Variants in ARHGEF28 observed in about 807,000 individuals in gnomAD.
The protein encoded by ARHGEF28 is Rho guanine nucleotide exchange factor 28, also known as 190 kDa guanine nucleotide exchange factor.
Under a neutral mutation model 206.6 loss-of-function variants are expected in ARHGEF28, and 152 were observed. The observed-to-expected ratio is 0.74, with a 90% CI of 0.64 to 0.84. ARHGEF28 has a LOEUF of 0.84. Ranked by LOEUF, ARHGEF28 falls within the 40% of genes least tolerant of loss-of-function variation. ARHGEF28 has a pLI of 0.00. For missense variants in ARHGEF28, 2,028 were observed against 2,073.2 expected (o/e 0.98, Z 0.42); for synonymous variants, 763 against 776.4 (o/e 0.98, Z 0.29).
intron 16 of ARHGEF28, among the ~76,000 whole-genome samples, chr5:73,858,918 C>T (rs1053769444): frequency 6.6e-6 from 1 of 152,198 alleles, no homozygotes; most frequent in Non-Finnish European, 1.5e-5. Flanking sequence ...CCCTCTGCTC[C>T]AGTCACACTG....
chr5:73,768,537 G>A (rs1331813762), intron 4 of ARHGEF28, among the ~76,000 whole-genome samples: 1 of 152,124 alleles, frequency 6.6e-6, no homozygotes, highest in Non-Finnish European at 1.5e-5. Context: ...AGGGCCTGTA[G>A]CCTCTTTGTT....
intron 9 of ARHGEF28, among the ~76,000 whole-genome samples, chr5:73,824,511 C>G (rs1368139788): frequency 2.0e-5 from 3 of 151,582 alleles, no homozygotes; most frequent in Admixed American, 1.3e-4. Context: ...AGTCTGTTGC[C>G]CAGGCTGGAG....
chr5:73,755,864 A>G (rs1752283462), intron 4 of ARHGEF28, among the ~76,000 whole-genome samples: 1 of 152,116 alleles, frequency 6.6e-6, no homozygotes, highest in African/African-American at 2.4e-5. Context: ...ATTTATCCAT[A>G]TTTTTATAAC....
intron 16 of ARHGEF28, among the ~76,000 whole-genome samples, chr5:73,864,244 A>T (rs983932547): frequency 6.6e-6 from 1 of 152,226 alleles, no homozygotes; most frequent in African/African-American, 2.4e-5. Flanking sequence ...CAGTGAGATG[A>T]CATTGTTTTA....
In ARHGEF28 at chr5:73,653,057, G is replaced by A. The variant is rs566346033; in HGVS notation, c.-12+26735G>A. Among the ~76,000 whole-genome samples the A allele has an allele frequency of 9.2e-5, 14 of 152,306 alleles. No individual in the cohort carries two copies. The South Asian group carries it at 1.0e-3, about 11-fold the overall frequency. ...CAGCCTAATGGTCTTGTAGCTGTTGGTCAATAGCTCTATTTTACAGATAAG... is the reference window on the plus strand; with the variant it reads ...CAGCCTAATGGTCTTGTAGCTGTTGATCAATAGCTCTATTTTACAGATAAG... On this transcript the variant is annotated intron_variant, in intron 1 of 35. Coordinates refer to ENST00000513042, the MANE Select transcript of ARHGEF28 (RefSeq NM_001177693.2).
intron 2 of ARHGEF28, among the ~76,000 whole-genome samples, chr5:73,717,911 C>T (rs1749687914): frequency 6.6e-6 from 1 of 152,106 alleles, no homozygotes. Flanking sequence ...GAGTTTCACT[C>T]TGTCACCAGG....
At chr5:73,889,964 T>C (rs1761527087) in intron 26 of ARHGEF28, among the ~76,000 whole-genome samples, 1 of 152,272 alleles carries the variant, frequency 6.6e-6, no homozygotes, top group Non-Finnish European at 1.5e-5. Context: ...ATTTAAATGC[T>C]GAGAACTGAT....
intron 22 of ARHGEF28, among the ~76,000 whole-genome samples, chr5:73,879,611 C>T (rs1366306563): frequency 5.3e-5 from 8 of 152,204 alleles, no homozygotes; most frequent in African/African-American, 7.2e-5. Context: ...TTGGTGTGGA[C>T]GTCCTTTCTG....
chr5:73,725,851 T>C, intron 2 of ARHGEF28, among the ~76,000 whole-genome samples: 1 of 151,778 alleles, frequency 6.6e-6, no homozygotes, highest in East Asian at 1.9e-4. Context: ...CTGAGAAGAG[T>C]TTAAAGATTT....
rs181189427 is a variant in ARHGEF28 at position 73,671,208 on chromosome 5, C to G, written c.-11-13633C>G. ...ACATAAGACTCTAGGGAGAGTTACC[C>G]TCCCTCATCAAAGTAAAAAGTGGGA... is the stretch of plus-strand genomic sequence containing the variant. On this transcript the variant is annotated intron_variant, in intron 1 of 35. Coordinates refer to ENST00000513042, the MANE Select transcript of ARHGEF28 (RefSeq NM_001177693.2). Among the ~76,000 whole-genome samples the G allele has an allele frequency of 5.3e-4, 81 of 152,298 alleles. No individual in the cohort carries two copies. The East Asian group carries it at 9.5e-3, about 18-fold the overall frequency.
intron 22 of ARHGEF28, among the ~76,000 whole-genome samples, chr5:73,875,677 A>C (rs1468308486): frequency 1.3e-5 from 2 of 151,604 alleles, no homozygotes; most frequent in African/African-American, 4.8e-5. Context: ...TAAATAGGGA[A>C]TCCTTTCCCC....
intron 7 of ARHGEF28, among the ~76,000 whole-genome samples, chr5:73,793,706 C>A (rs917705029): frequency 6.6e-6 from 1 of 151,730 alleles, no homozygotes; most frequent in African/African-American, 2.4e-5. Context: ...GTGGTTATTT[C>A]GACAATAGCG....
At chr5:73,741,339 A>ATGTGTGTGTGTGTG (rs1469338639) in intron 2 of ARHGEF28, among the ~76,000 whole-genome samples, 5 of 80,446 alleles carry the variant, frequency 6.2e-5, no homozygotes, top group Non-Finnish European at 7.1e-5. Flanking sequence ...TTTTAAATTT[A>ATGTGTGTGTGTGTG]TATGTGTGTG....
At chr5:73,891,178 A>G (rs1397603562) in intron 26 of ARHGEF28, among the ~76,000 whole-genome samples, 1 of 152,166 alleles carries the variant, frequency 6.6e-6, no homozygotes, top group Non-Finnish European at 1.5e-5. Flanking sequence ...TGGTGAGAAG[A>G]GGCAAGAACT....
chr5:73,629,192 C>T (rs1040891910), intron 1 of ARHGEF28, among the ~76,000 whole-genome samples: 15 of 151,940 alleles, frequency 9.9e-5, no homozygotes, highest in African/African-American at 3.6e-4. Flanking sequence ...TTGCACACTC[C>T]ACATTAAGAC....
At chr5:73,822,083 G>A (rs1327501923) in intron 9 of ARHGEF28, among the ~76,000 whole-genome samples, 2 of 152,164 alleles carry the variant, frequency 1.3e-5, no homozygotes, top group African/African-American at 4.8e-5. Context: ...CTTCAAAACA[G>A]TAGAATAGGA....
chr5:73,789,400 A>T lies in ARHGEF28; in HGVS notation c.911-5002A>T, dbSNP rs1033699161. ...CCTTGGGCTGGGGTGTGGAAGGAGG[A>T]TGGTGAGGTGGTTGGGGAGAAATGT... On this transcript the variant is annotated intron_variant, in intron 7 of 35. Transcript: ENST00000513042. Among the ~76,000 whole-genome samples, 4 of 152,042 alleles carry T rather than the reference A, an allele frequency of 2.6e-5. No homozygotes were observed. In the South Asian group the frequency reaches 8.3e-4, roughly 32 times the overall value.
intron 35 of ARHGEF28, among the ~76,000 whole-genome samples, chr5:73,915,945 GA>G (rs1425011834): frequency 1.3e-5 from 2 of 152,092 alleles, no homozygotes; most frequent in African/African-American, 4.8e-5. Flanking sequence ...TAGATACTGG[GA>G]AAAAAGTAAC....
At chr5:73,924,130 A>G (rs1321124596) in intron 35 of ARHGEF28, among the ~76,000 whole-genome samples, 1 of 152,300 alleles carries the variant, frequency 6.6e-6, no homozygotes, top group Non-Finnish European at 1.5e-5. Context: ...TGTTGACTGA[A>G]AACACACTTT....
Sources: allele counts gnomAD v4.1 joint callset (sites outside exome capture counted in the v4.1 genomes callset), GRCh38; gene constraint gnomAD v4.1.1; transcripts MANE v1.5; gene names NCBI Gene and HGNC (gene_info 2026-07-23, HGNC 2026-07-21).